GRM7: variants seen among roughly 807,000 people sequenced by gnomAD.
GRM7 encodes glutamate metabotropic receptor 7, also known as metabotropic glutamate receptor 7.
GRM7 carries 35 observed loss-of-function variants against 84.5 expected under a neutral mutation model. That is an observed-to-expected ratio of 0.41 (90% CI 0.32 to 0.55). GRM7 has a LOEUF of 0.55. Ranked by LOEUF, GRM7 falls within the 20% of genes least tolerant of loss-of-function variation. GRM7 has a pLI of 0.19. For synonymous variants in GRM7, 487 were observed against 455.1 expected (o/e 1.07, Z -0.89); for missense variants, 1,003 against 1,194.6 (o/e 0.84, Z 2.36).
At chr3:7,086,349 C>A (rs1698458465) in intron 1 of GRM7, among the ~76,000 whole-genome samples, 1 of 146,274 alleles carries the variant, frequency 6.8e-6, no homozygotes, top group Admixed American at 6.9e-5. Context: ...TAAAAAAGAT[C>A]CTATAGAAAT....
At chr3:7,383,700 A>G (rs1694678364) in intron 4 of GRM7, among the ~76,000 whole-genome samples, 1 of 152,198 alleles carries the variant, frequency 6.6e-6, no homozygotes, top group Non-Finnish European at 1.5e-5. Flanking sequence ...TTTCCCTGCT[A>G]CACTGGAAGG....
At chr3:6,957,351 A>T (rs1287708274) in intron 1 of GRM7, among the ~76,000 whole-genome samples, 1 of 152,188 alleles carries the variant, frequency 6.6e-6, no homozygotes, top group Non-Finnish European at 1.5e-5. Flanking sequence ...GCTCAATGGC[A>T]GCCGAAGCCC....
chr3:7,688,693 G>A (rs1700678997), intron 9 of GRM7, among the ~76,000 whole-genome samples: 1 of 152,056 alleles, frequency 6.6e-6, no homozygotes, highest in East Asian at 1.9e-4. Flanking sequence ...TTGCTTTTGG[G>A]GAGACAAGAC....
At chr3:7,275,153 C>T (rs1181094986) in intron 2 of GRM7, among the ~76,000 whole-genome samples, 1 of 151,982 alleles carries the variant, frequency 6.6e-6, no homozygotes, top group African/African-American at 2.4e-5. Context: ...CTTAAAATTC[C>T]CATCTCTCTA....
At chr3:7,601,766 T>C (rs757914538) in intron 8 of GRM7, among the ~76,000 whole-genome samples, 2 of 152,068 alleles carry the variant, frequency 1.3e-5, no homozygotes, top group Non-Finnish European at 2.9e-5. Context: ...CATGTACCTC[T>C]TTGTTTTGGT....
At chr3:7,300,661 C>T (rs1022733941) in intron 3 of GRM7, among the ~76,000 whole-genome samples, 12 of 152,128 alleles carry the variant, frequency 7.9e-5, no homozygotes, top group African/African-American at 2.7e-4. Flanking sequence ...TTCTTTCCCC[C>T]TCCCTGGCCC....
chr3:7,438,597 G>A (rs2124865899), intron 5 of GRM7, among the ~76,000 whole-genome samples: 1 of 152,160 alleles, frequency 6.6e-6, no homozygotes, highest in Admixed American at 6.5e-5. Flanking sequence ...CAAGCAGACA[G>A]AGTGGTTACC....
intron 7 of GRM7, among the ~76,000 whole-genome samples, chr3:7,541,587 C>T (rs1228139594): frequency 2.0e-5 from 3 of 152,112 alleles, no homozygotes; most frequent in Non-Finnish European, 4.4e-5. Flanking sequence ...CATGTGTTTT[C>T]CACTGTCTTC....
intron 1 of GRM7, among the ~76,000 whole-genome samples, chr3:7,142,794 T>C (rs570855032): frequency 2.0e-5 from 3 of 152,298 alleles, no homozygotes; most frequent in Non-Finnish European, 2.9e-5. Context: ...TAGCATATGT[T>C]GTTAATTTTC....
chr3:7,237,291 G>A (rs144219505), intron 2 of GRM7, among the ~76,000 whole-genome samples: 1 of 152,276 alleles, frequency 6.6e-6, no homozygotes, highest in African/African-American at 2.4e-5. Context: ...ACTTTAAGCA[G>A]TCCTTCTATT....
chr3:7,708,234 G>A (rs975794468), intron 9 of GRM7, among the ~76,000 whole-genome samples: 1 of 151,008 alleles, frequency 6.6e-6, no homozygotes, highest in African/African-American at 2.4e-5. Context: ...TTGAACACGT[G>A]CTTTCATGTA....
chr3:7,264,905 G>T (rs1053035382), intron 2 of GRM7, among the ~76,000 whole-genome samples: 7 of 152,174 alleles, frequency 4.6e-5, no homozygotes, highest in African/African-American at 1.7e-4. Context: ...ATAGAGTTGA[G>T]AGTCAATGAA....
At chr3:7,267,550 G>T (rs536231829) in intron 2 of GRM7, among the ~76,000 whole-genome samples, 2 of 152,308 alleles carry the variant, frequency 1.3e-5, no homozygotes, top group Non-Finnish European at 1.5e-5. Context: ...AACACCGGGG[G>T]TTGGGTCTAG....
intron 4 of GRM7, among the ~76,000 whole-genome samples, chr3:7,394,894 C>T (rs543405445): frequency 2.6e-5 from 4 of 151,954 alleles, no homozygotes; most frequent in Admixed American, 2.6e-4. Context: ...AAAAATTAGC[C>T]AGGCGTGGTG....
At chr3:7,134,367 A>G (rs1332222833) in intron 1 of GRM7, among the ~76,000 whole-genome samples, 1 of 152,098 alleles carries the variant, frequency 6.6e-6, no homozygotes, top group Admixed American at 6.6e-5. Context: ...AATATTTTCA[A>G]AATATGAGGT....
rs1003588497 is a variant in GRM7 at position 7,188,052 on chromosome 3, C to T, written c.736+41384C>T. On this transcript the variant is annotated intron_variant, in intron 2 of 9. Transcript: ENST00000357716. This position sits in a 1 kb window ranked among gnomAD's most constrained non-coding sequence, Gnocchi z 4.2. ...GGCAAACCTAGAAGGATTCGAGTTC[C>T]CTGGTGAGTTTAATAGAGGAGGAAT... 2.0e-5 allele frequency among the ~76,000 whole-genome samples: 3 copies of T among 152,176 alleles called. No individual in the cohort carries two copies. Among genetic ancestry groups the T allele is most frequent in the South Asian group, 2.1e-4 (1 of 4,822 alleles).
intron 7 of GRM7, among the ~76,000 whole-genome samples, chr3:7,507,085 C>T (rs1046135834): frequency 3.3e-5 from 5 of 152,082 alleles, no homozygotes; most frequent in Non-Finnish European, 7.4e-5. Flanking sequence ...AGATTGTGGG[C>T]ATTTAAAAAA....
At chr3:7,163,914 C>G (rs1470797692) in intron 2 of GRM7, among the ~76,000 whole-genome samples, 1 of 152,152 alleles carries the variant, frequency 6.6e-6, no homozygotes, top group Non-Finnish European at 1.5e-5. Context: ...AAAGAAAATG[C>G]TAATTCCTGA....
chr3:7,016,632 G>T (rs1268545865), intron 1 of GRM7, among the ~76,000 whole-genome samples: 1 of 152,184 alleles, frequency 6.6e-6, no homozygotes, highest in African/African-American at 2.4e-5. Flanking sequence ...TATCGGTTCC[G>T]TGGAACAGTT....
Sources: gnomAD v4.1 joint callset for allele counts (sites outside exome capture counted in the v4.1 genomes callset) on GRCh38, gnomAD v4.1.1 for gene constraint, Gnocchi (gnomAD v3.1) non-coding constraint, MANE v1.5 for transcripts, NCBI Gene and HGNC (gene_info 2026-07-23, HGNC 2026-07-21) for gene names.